The following NEGR1 variants were observed in gnomAD, a reference collection of about 807,000 sequenced individuals.
The protein encoded by NEGR1 is IgLON family member 4.
A neutral mutation model predicts 40.9 loss-of-function variants in NEGR1; 10 were observed. That is an observed-to-expected ratio of 0.24 (90% CI 0.15 to 0.42). NEGR1 has a LOEUF of 0.42. Ranked by LOEUF, NEGR1 falls within the 10% of genes least tolerant of loss-of-function variation. The probability of loss-of-function intolerance (pLI) is 1.00; values close to 1 mark genes in which losing one functional copy is unlikely to be tolerated. For missense variants in NEGR1, 352 were observed against 438.9 expected, an observed-to-expected ratio of 0.80 and a Z score of 1.77; for synonymous variants, 185 against 166.8, an observed-to-expected ratio of 1.11 and a Z score of -0.84.
Position 71,396,828 on chromosome 1 carries a change from T to C in NEGR1, c.*10618A>G. The C allele has an allele frequency of 6.3e-6, 1 of 159,082 alleles. No homozygotes were observed. The highest frequency in any genetic ancestry group is 1.4e-5 in the Non-Finnish European group (1 of 73,558). The allele number at this position is 159,082 out of a possible 1,614,324, so 9.9% of individuals were successfully genotyped here. A position where few individuals can be genotyped will look rare whatever the true frequency, so the allele number is the denominator to read the frequency against. On this transcript the variant is annotated 3_prime_UTR_variant, in exon 7 of 7. Transcript: ENST00000357731. ...CGTGGAACTGTAAGTCTGATAAACC[T>C]CTTTCTTTTGTAAATTGCCCAGCCT...
intron 1 of NEGR1, among the ~76,000 whole-genome samples, chr1:72,114,557 T>G (rs1315757219): frequency 1.3e-5 from 2 of 151,814 alleles, no homozygotes; most frequent in African/African-American, 4.8e-5. Context: ...ATCTGAGAGA[T>G]AAAGATATTT....
At chr1:71,594,191 GATA>G (rs1345940501) in intron 5 of NEGR1, among the ~76,000 whole-genome samples, 5 of 152,128 alleles carry the variant, frequency 3.3e-5, no homozygotes, top group Admixed American at 3.3e-4. Context: ...ATGTCAACTT[GATA>G]ATAACTTCTA....
intron 6 of NEGR1, among the ~76,000 whole-genome samples, chr1:71,450,807 T>A (rs541365101): frequency 1.3e-5 from 2 of 151,346 alleles, no homozygotes; most frequent in African/African-American, 4.9e-5. Context: ...AGACTCGGTC[T>A]CAGGGAAAAA....
chr1:72,206,163 A>C (rs1309954389), intron 1 of NEGR1, among the ~76,000 whole-genome samples: 2 of 151,968 alleles, frequency 1.3e-5, no homozygotes, highest in East Asian at 1.9e-4. Flanking sequence ...TACAGATGGC[A>C]TGATTAATTA....
chr1:71,576,564 TGCATCA>T (rs889073642), intron 6 of NEGR1, among the ~76,000 whole-genome samples: 6 of 152,300 alleles, frequency 3.9e-5, no homozygotes, highest in South Asian at 2.1e-4. Context: ...CCTAGATATT[TGCATCA>T]CAAAGGGGTA....
intron 1 of NEGR1, among the ~76,000 whole-genome samples, chr1:72,107,164 G>C (rs1302852924): frequency 6.6e-6 from 1 of 151,742 alleles, no homozygotes; most frequent in Non-Finnish European, 1.5e-5. Flanking sequence ...AATGATAACA[G>C]AGGAGGGAAA....
chr1:72,059,534 T>C (rs1054721297), intron 1 of NEGR1, among the ~76,000 whole-genome samples: 4 of 151,632 alleles, frequency 2.6e-5, no homozygotes, highest in African/African-American at 9.7e-5. Context: ...CTGTTTGTTT[T>C]TTGCACTGTT....
intron 1 of NEGR1, among the ~76,000 whole-genome samples, chr1:72,185,568 A>G (rs1652583138): frequency 6.6e-6 from 1 of 151,910 alleles, no homozygotes; most frequent in Non-Finnish European, 1.5e-5. Context: ...TGGAAATGGA[A>G]TTCATTGAGA....
At chr1:71,496,283 A>G (rs1244641023) in intron 6 of NEGR1, among the ~76,000 whole-genome samples, 1 of 152,190 alleles carries the variant, frequency 6.6e-6, no homozygotes, top group Non-Finnish European at 1.5e-5. Context: ...CAGAAGGAAT[A>G]GAGGAATTAA....
intron 3 of NEGR1, among the ~76,000 whole-genome samples, chr1:71,713,673 G>C (rs1010430522): frequency 6.6e-5 from 10 of 152,178 alleles, no homozygotes; most frequent in Middle Eastern, 6.8e-3. Flanking sequence ...TTGCTAACAG[G>C]CAAAAAGCAA....
rs530057399 is a variant in NEGR1 at position 72,152,322 on chromosome 1, T to C, written c.176+129997A>G. Reference sequence around the variant, plus strand: ...ACTTGTAATTAAATAACAAAAATACTACACATAGAATGCTAATGAACTTAG... The same window carrying C: ...ACTTGTAATTAAATAACAAAAATACCACACATAGAATGCTAATGAACTTAG... On this transcript the variant is annotated intron_variant, in intron 1 of 6. Transcript: ENST00000357731. Among the ~76,000 whole-genome samples the C allele has an allele frequency of 5.9e-5, 9 of 152,010 alleles. No homozygotes were observed. In the South Asian group the frequency reaches 1.9e-3, roughly 31 times the overall value.
intron 1 of NEGR1, among the ~76,000 whole-genome samples, chr1:72,224,900 TTTAA>T (rs1431763694): frequency 2.0e-5 from 3 of 152,106 alleles, no homozygotes; most frequent in Non-Finnish European, 2.9e-5. Context: ...TAATTATTAA[TTTAA>T]TTAACATCAT....
At chr1:71,942,667 A>G (rs1299042559) in intron 1 of NEGR1, among the ~76,000 whole-genome samples, 1 of 132,496 alleles carries the variant, frequency 7.5e-6, no homozygotes, top group Non-Finnish European at 1.6e-5. Context: ...ACGCCCGGCT[A>G]ATTTTTTTGT....
intron 2 of NEGR1, among the ~76,000 whole-genome samples, chr1:71,934,827 A>T (rs780024216): frequency 6.6e-6 from 1 of 151,880 alleles, no homozygotes; most frequent in Non-Finnish European, 1.5e-5. Flanking sequence ...AAATGTGTGT[A>T]TGTGTGTGCG....
At chr1:71,670,046 C>T (rs1276384183) in intron 4 of NEGR1, among the ~76,000 whole-genome samples, 1 of 151,810 alleles carries the variant, frequency 6.6e-6, no homozygotes, top group Non-Finnish European at 1.5e-5. Context: ...TTCCATTATT[C>T]TTCATTCTTT....
chr1:71,876,487 T>C (rs567962608), intron 2 of NEGR1, among the ~76,000 whole-genome samples: 4 of 149,676 alleles, frequency 2.7e-5, no homozygotes, highest in Non-Finnish European at 4.4e-5. Flanking sequence ...GCCTGGGCGA[T>C]AGAGTGAGAC....
chr1:71,617,655 G>A (rs955829875), intron 4 of NEGR1, among the ~76,000 whole-genome samples: 6 of 152,306 alleles, frequency 3.9e-5, no homozygotes, highest in Admixed American at 2.0e-4. Flanking sequence ...GTCATCCATA[G>A]ATAAATGCTG....
intron 6 of NEGR1, among the ~76,000 whole-genome samples, chr1:71,499,642 A>G (rs1476413698): frequency 6.6e-6 from 1 of 151,738 alleles, no homozygotes; most frequent in Admixed American, 6.6e-5. Context: ...AATATTATAA[A>G]CTTATCCCAG....
At chr1:71,471,939 C>T (rs1646785019) in intron 6 of NEGR1, among the ~76,000 whole-genome samples, 2 of 152,074 alleles carry the variant, frequency 1.3e-5, no homozygotes, top group African/African-American at 4.8e-5. Flanking sequence ...TCTTTCTTAT[C>T]TTATTCTCTA....
Sources: allele counts gnomAD v4.1 joint callset (sites outside exome capture counted in the v4.1 genomes callset), GRCh38; gene constraint gnomAD v4.1.1; transcripts MANE v1.5; gene names NCBI Gene and HGNC (gene_info 2026-07-23, HGNC 2026-07-21).